CAMKMT: variants seen among roughly 807,000 people sequenced by gnomAD.
CAMKMT encodes calmodulin-lysine N-methyltransferase.
A neutral mutation model predicts 48.0 loss-of-function variants in CAMKMT; 53 were observed. That is an observed-to-expected ratio of 1.10 (90% CI 0.89 to 1.39). The LOEUF (loss-of-function observed/expected upper bound fraction) is 1.39, where lower values mean the gene tolerates loss of function less well. CAMKMT is among the 40% of genes most tolerant of loss of function. The pLI is 0.00. For missense variants in CAMKMT, 428 were observed against 402.7 expected (o/e 1.06, Z -0.54); for synonymous variants, 165 against 152.3 (o/e 1.08, Z -0.61).
chr2:44,593,622 C>T (rs1189290742), intron 3 of CAMKMT, among the ~76,000 whole-genome samples: 2 of 152,132 alleles, frequency 1.3e-5, no homozygotes, highest in African/African-American at 4.8e-5. Context: ...CTGCCTCCTG[C>T]CCACTGTCTT....
intron 3 of CAMKMT, among the ~76,000 whole-genome samples, chr2:44,682,313 A>G (rs1449942575): frequency 6.6e-6 from 1 of 152,354 alleles, no homozygotes; most frequent in African/African-American, 2.4e-5. Context: ...CATGAAATGT[A>G]TCTACTCCAT....
At chr2:44,720,300 T>A (rs910933076) in intron 7 of CAMKMT, among the ~76,000 whole-genome samples, 10 of 152,158 alleles carry the variant, frequency 6.6e-5, no homozygotes, top group Non-Finnish European at 1.3e-4. Context: ...ATTCTTTGGA[T>A]TTGCCCACTT....
At chr2:44,720,118 A>G (rs1268327982) in intron 7 of CAMKMT, among the ~76,000 whole-genome samples, 1 of 152,186 alleles carries the variant, frequency 6.6e-6, no homozygotes, top group Non-Finnish European at 1.5e-5. Context: ...TGCACTGAAG[A>G]CACCAACTCC....
chr2:44,519,744 T>G (rs893061621), intron 3 of CAMKMT, among the ~76,000 whole-genome samples: 1 of 152,160 alleles, frequency 6.6e-6, no homozygotes, highest in African/African-American at 2.4e-5. Context: ...AAACTCAACA[T>G]GCACTATTTC....
At chr2:44,514,348 A>G (rs1348523594) in intron 3 of CAMKMT, among the ~76,000 whole-genome samples, 1 of 152,170 alleles carries the variant, frequency 6.6e-6, no homozygotes, top group Admixed American at 6.5e-5. Context: ...AGAGAGGCTG[A>G]TAAAGAGGTG....
intron 3 of CAMKMT, among the ~76,000 whole-genome samples, chr2:44,609,050 G>A (rs931699021): frequency 5.9e-5 from 9 of 152,160 alleles, no homozygotes; most frequent in African/African-American, 2.2e-4. Flanking sequence ...TATTTTAAAA[G>A]AAGATTGCAC....
rs533351161 is a variant in CAMKMT at position 44,751,942 on chromosome 2, A to G, written c.699-2113A>G. Among the ~76,000 whole-genome samples, 4 of 152,184 alleles carry G rather than the reference A, an allele frequency of 2.6e-5. No homozygotes were observed. In the South Asian group the frequency reaches 8.3e-4, roughly 32 times the overall value. ...GAGAAACAGGAGGTTCTTTCAACCA[A>G]CCAGATCTCACGTGAGCTCATTACC... On this transcript the variant is annotated intron_variant, in intron 8 of 10. Transcript: ENST00000378494.
chr2:44,578,290 A>G (rs927768119), intron 3 of CAMKMT, among the ~76,000 whole-genome samples: 7 of 152,254 alleles, frequency 4.6e-5, no homozygotes, highest in Admixed American at 1.3e-4. Flanking sequence ...ATACCATTAT[A>G]TAATAATGAG....
intron 3 of CAMKMT, among the ~76,000 whole-genome samples, chr2:44,698,441 A>G (rs570546665): frequency 1.4e-4 from 21 of 152,382 alleles, no homozygotes; most frequent in African/African-American, 4.6e-4. Flanking sequence ...AATTAAGTGA[A>G]TATCACAATA....
chr2:44,426,859 G>T lies in CAMKMT; in HGVS notation c.376+36554G>T, dbSNP rs1266101750. ...ATGGAACCAAAAAAGAGCCCAAGTA[G>T]CCAAAGCAAGCCTAAGCAAAAAGAA... is the stretch of plus-strand genomic sequence containing the variant. On this transcript the variant is annotated intron_variant, in intron 3 of 10. Transcript: ENST00000378494. Among the ~76,000 whole-genome samples the T allele has an allele frequency of 3.3e-5, 5 of 152,246 alleles. No homozygotes were observed. In the East Asian group the frequency reaches 9.7e-4, roughly 29 times the overall value.
rs543089093 is a variant in CAMKMT at position 44,397,911 on chromosome 2, C to A, written c.376+7606C>A. ...AATAATATAGAGAGGTAGCTCATGT[C>A]TTTGTCATAAACCTGCTAGTTTCTC... On this transcript the variant is annotated intron_variant, in intron 3 of 10. Transcript: ENST00000378494. 2.0e-5 allele frequency among the ~76,000 whole-genome samples: 3 copies of A among 152,274 alleles called. No homozygotes were observed. In the East Asian group the frequency reaches 5.8e-4, roughly 29 times the overall value.
chr2:44,523,194 A>G (rs184353116), intron 3 of CAMKMT, among the ~76,000 whole-genome samples: 45 of 151,980 alleles, frequency 3.0e-4, no homozygotes, highest in African/African-American at 1.0e-3. Context: ...AACTTTGCTC[A>G]TAGATTCTGT....
intron 3 of CAMKMT, among the ~76,000 whole-genome samples, chr2:44,699,590 C>A (rs1427096230): frequency 6.7e-6 from 1 of 150,120 alleles, no homozygotes; most frequent in Non-Finnish European, 1.5e-5. Context: ...TTGCATAATT[C>A]CTTTTCTCTT....
intron 3 of CAMKMT, among the ~76,000 whole-genome samples, chr2:44,484,069 G>A (rs549461474): frequency 3.9e-5 from 6 of 152,206 alleles, no homozygotes; most frequent in African/African-American, 1.4e-4. Flanking sequence ...TACCTTCTTT[G>A]CAGAAATGAG....
chr2:44,605,312 A>C (rs4953113), intron 3 of CAMKMT, among the ~76,000 whole-genome samples: 61,294 of 151,956 alleles, frequency 0.4, 14,483 homozygotes, highest in Middle Eastern at 0.55. Context: ...GCTGTTGCTC[A>C]AAGTATGTTT....
chr2:44,464,460 A>G (rs184943416), intron 3 of CAMKMT, among the ~76,000 whole-genome samples: 11 of 152,354 alleles, frequency 7.2e-5, no homozygotes, highest in African/African-American at 2.6e-4. Flanking sequence ...AATCTGAGGA[A>G]GAAAATGGAC....
At chr2:44,586,367 T>C (rs1361251051) in intron 3 of CAMKMT, among the ~76,000 whole-genome samples, 1 of 105,364 alleles carries the variant, frequency 9.5e-6, no homozygotes, top group Non-Finnish European at 2.1e-5. Context: ...AATGAAACTA[T>C]TACCACAATC....
chr2:44,745,794 C>G (rs1254362759), intron 8 of CAMKMT, among the ~76,000 whole-genome samples: 1 of 152,062 alleles, frequency 6.6e-6, no homozygotes, highest in Non-Finnish European at 1.5e-5. Context: ...TTCATATTCG[C>G]GGGGATGGGT....
intron 3 of CAMKMT, among the ~76,000 whole-genome samples, chr2:44,568,363 G>A (rs969198522): frequency 4.6e-5 from 7 of 152,178 alleles, no homozygotes; most frequent in African/African-American, 1.7e-4. Context: ...GAAGCAAGAT[G>A]TTTCCAGACC....
Sources: allele counts gnomAD v4.1 joint callset (sites outside exome capture counted in the v4.1 genomes callset), GRCh38; gene constraint gnomAD v4.1.1; transcripts MANE v1.5; gene names NCBI Gene and HGNC (gene_info 2026-07-23, HGNC 2026-07-21).